The following ZNF770 variants were observed in gnomAD, a reference collection of about 807,000 sequenced individuals.
ZNF770 encodes the protein zinc finger protein 770.
In ZNF770, 13 loss-of-function variants were observed where a neutral mutation model predicts 44.8. The ratio of observed to expected loss-of-function variants is 0.29; its 90% confidence interval spans 0.19 to 0.46. ZNF770 has a LOEUF of 0.46. Among genes scored for constraint, ZNF770 ranks in the 20% least tolerant of loss-of-function variants. The pLI, the probability that ZNF770 is intolerant of heterozygous loss-of-function variation, is 1.00. For missense variants in ZNF770, 681 were observed against 797.9 expected, an observed-to-expected ratio of 0.85 and a Z score of 1.77; for synonymous variants, 304 against 271.8, an observed-to-expected ratio of 1.12 and a Z score of -1.17.
In ZNF770 at chr15:34,981,224, T is replaced by C. The variant is rs2140519788; in HGVS notation, c.*135A>G. 1.2e-6 allele frequency: 1 copy of C among 866,406 alleles called. No homozygotes were observed. The highest frequency in any genetic ancestry group is 1.7e-6 in the Non-Finnish European group (1 of 585,202). 53.7% of individuals were successfully genotyped at this position (866,406 alleles called of 1,614,324 possible). ...TTAATTTTCTATGTATTCTACCTCC[T>C]TACTATGCAGGACAAGCAAATGCCT... On this transcript the variant is annotated 3_prime_UTR_variant, in exon 3 of 3. Coordinates refer to ENST00000356321, the MANE Select transcript of ZNF770 (RefSeq NM_014106.4).
Position 34,980,299 on chromosome 15 carries a change from T to TA in ZNF770, c.*1059dup, listed in dbSNP as rs1427255874. 6.6e-6 allele frequency: 1 copy of TA among 151,422 alleles called. No homozygotes were observed. Among genetic ancestry groups the TA allele is most frequent in the Non-Finnish European group, 1.5e-5 (1 of 68,046 alleles). The allele number at this position is 151,422 out of a possible 1,614,324, so 9.4% of individuals were successfully genotyped here. A position where few individuals can be genotyped will look rare whatever the true frequency, so the allele number is the denominator to read the frequency against. Reference sequence around the variant, plus strand: ...TATTCCTCTGAAAAGGTAAAACTCATACGTATTATGAAAAAGACTATGGCA... The same window carrying TA: ...TATTCCTCTGAAAAGGTAAAACTCATAACGTATTATGAAAAAGACTATGGCA... On this transcript the variant is annotated 3_prime_UTR_variant, in exon 3 of 3. Coordinates refer to ENST00000356321, the MANE Select transcript of ZNF770 (RefSeq NM_014106.4).
Position 34,983,294 on chromosome 15 carries a change from G to A in ZNF770, c.141C>T (p.Leu47=). The part of the protein sequence containing the change: ...ETPSKLARHY[L]IHTGQKPFEC... ...CAAATGGCTTTTGACCAGTATGAAT[G>A]AGATAGTGCCTAGCTAATTTTGATG... Residue 47 remains leucine, a synonymous_variant, in exon 3 of 3, where the codon CTC becomes CTT. Transcript: ENST00000356321. The A allele has an allele frequency of 6.2e-7, 1 of 1,613,530 alleles. No individual in the cohort carries two copies.
chr15:34,983,573 A>G, intron 2 of ZNF770, 83 bp from the exon 3 acceptor site: 2 of 701,730 alleles, frequency 2.9e-6, no homozygotes, highest in Non-Finnish European at 4.1e-6. Flanking sequence ...TTGGCTGAAG[A>G]TATTAAAGGC....
At chr15:34,984,165 T>C (rs754704008) in intron 2 of ZNF770, among the ~76,000 whole-genome samples, 1 of 152,136 alleles carries the variant, frequency 6.6e-6, no homozygotes, top group Non-Finnish European at 1.5e-5. Flanking sequence ...TCCTGGATTG[T>C]CTACCACCAC....
chr15:34,986,034 GTTC>G (rs2050432376), intron 2 of ZNF770, among the ~76,000 whole-genome samples: 1 of 152,016 alleles, frequency 6.6e-6, no homozygotes, highest in South Asian at 2.1e-4. Flanking sequence ...TATGAAAGCT[GTTC>G]TTAACATGCC....
Position 34,982,112 on chromosome 15 carries a change from T to C in ZNF770, c.1323A>G (p.Ser441=), listed in dbSNP as rs2050405813. 1.2e-6 allele frequency: 2 copies of C among 1,613,920 alleles called. No homozygotes were observed. Among genetic ancestry groups the C allele is most frequent in the African/African-American group, 2.7e-5 (2 of 74,948 alleles). The change falls in exon 3 of 3, where the codon TCA becomes TCG. Residue 441 remains serine (S), a synonymous_variant. Transcript: ENST00000356321. ...ATTCCTCACCTGATGAACCACAGAT[T>C]GACAAGTCTTTCTTATTCACTGAAT... The part of the protein sequence containing the change: ...IDNSVNKKDL[S]ICGSSGEEFF...
chr15:34,982,476 C>A lies in ZNF770; in HGVS notation c.959G>T (p.Gly320Val). ...NEHSCFAARS[G>V]KIPSRFKRSY... ...TCTTTTGAACCTGCTTGGAATTTTG[C>A]CACTTCTAGCAGCAAAACAGCTGTG... The change falls in exon 3 of 3, where the codon GGC becomes GTC. Residue 320 changes from glycine (G) to valine (V), a missense_variant. This residue lies in a region of ZNF770 where 432 missense variants were observed against 434.1 expected (regional missense o/e 1.00). Coordinates refer to ENST00000356321, the MANE Select transcript of ZNF770 (RefSeq NM_014106.4). The A allele has an allele frequency of 1.2e-6, 2 of 1,613,822 alleles. No individual in the cohort carries two copies. The highest frequency in any genetic ancestry group is 2.2e-5 in the South Asian group (2 of 91,042).
At position 34,981,565 on chromosome 15, in the gene ZNF770, G is replaced by A. The variant is rs139440507; in HGVS notation, c.1870C>T (p.Leu624=). The change falls in exon 3 of 3, where the codon CTG becomes TTG. Residue 624 remains leucine, a synonymous_variant. Coordinates refer to ENST00000356321, the MANE Select transcript of ZNF770 (RefSeq NM_014106.4). ...TTAGCACAAACACTGCATCGGTACA[G>A]GAAGACATCATTTTTCTCCTGATGC... ...SEHQEKNDVF[L]YRCSVCAKSF... The A allele has an allele frequency of 1.7e-4, 278 of 1,614,162 alleles. 2 individuals are homozygous for A. The highest frequency in any genetic ancestry group is 8.8e-5 in the South Asian group (8 of 91,082).
At chr15:34,986,099 T>C (rs1338680524) in intron 2 of ZNF770, among the ~76,000 whole-genome samples, 1 of 152,082 alleles carries the variant, frequency 6.6e-6, no homozygotes, top group Non-Finnish European at 1.5e-5. Context: ...TTATTCAAAG[T>C]GGCCAAGTGA....
Position 34,982,398 on chromosome 15 carries a change from G to A in ZNF770, c.1037C>T (p.Ala346Val). The change falls in exon 3 of 3, where the codon GCT becomes GTT. Residue 346 changes from alanine (A) to valine (V), a missense_variant. Around this residue, in one of 5 missense-constraint regions of ZNF770, gnomAD observed 432 missense variants for 434.1 expected, o/e 1.00. Transcript: ENST00000356321. ...AAAGTTATCTAATTTTTTACTCCTAGCACGCTTAAGCTTGGCCAAGATTTT... is the reference window on the plus strand; with the variant it reads ...AAAGTTATCTAATTTTTTACTCCTAACACGCTTAAGCTTGGCCAAGATTTT... ...VKKILAKLKRARSKKLDNFQS... is the reference protein window; with the variant it reads ...VKKILAKLKRVRSKKLDNFQS... 1.2e-6 allele frequency: 2 copies of A among 1,612,538 alleles called. No individual in the cohort carries two copies. The highest frequency in any genetic ancestry group is 1.7e-6 in the Non-Finnish European group (2 of 1,179,244).
At chr15:34,986,299 A>G (rs1022025799) in intron 2 of ZNF770, among the ~76,000 whole-genome samples, 1 of 152,228 alleles carries the variant, frequency 6.6e-6, no homozygotes, top group African/African-American at 2.4e-5. Flanking sequence ...ACTGTAAGCC[A>G]GTATAGTAGT....
Position 34,981,532 on chromosome 15 carries a change from G to C in ZNF770, c.1903C>G (p.Arg635Gly), listed in dbSNP as rs747051090. Residue 635 changes from arginine (R) to glycine (G), a missense_variant, in exon 3 of 3, where the codon CGA becomes GGA. Transcript: ENST00000356321. ...YRCSVCAKSF[R>G]SPSKLERHYL... is the part of the protein sequence containing the mutation. ...TGTCTTTCCAGTTTAGATGGAGATCGGAAACTTTTAGCACAAACACTGCAT... is the reference window on the plus strand; with the variant it reads ...TGTCTTTCCAGTTTAGATGGAGATCCGAAACTTTTAGCACAAACACTGCAT... 58 of 1,614,048 alleles carry C rather than the reference G, an allele frequency of 3.6e-5. No individual in the cohort carries two copies. The highest frequency in any genetic ancestry group is 4.8e-5 in the Non-Finnish European group (57 of 1,180,040).
rs1319978653 is a variant in ZNF770, at chr15:34,979,159, G to GT, written c.*2199dup. On this transcript the variant is annotated 3_prime_UTR_variant, in exon 3 of 3. Transcript: ENST00000356321. ...CATGGGTCAAAAATAAAGTATAGTAGTATCACTTACGCAAATAAAGTCTCA... is the reference window on the plus strand; with the variant it reads ...CATGGGTCAAAAATAAAGTATAGTAGTTATCACTTACGCAAATAAAGTCTCA... The GT allele has an allele frequency of 6.5e-6, 1 of 152,916 alleles. No individual in the cohort carries two copies. 9.5% of individuals were successfully genotyped at this position (152,916 alleles called of 1,614,324 possible).
chr15:34,986,497 G>T (rs1387576984), intron 2 of ZNF770, among the ~76,000 whole-genome samples: 1 of 152,222 alleles, frequency 6.6e-6, no homozygotes, highest in East Asian at 1.9e-4. Flanking sequence ...GAACTGCAAA[G>T]AACTTGGCAG....
At chr15:34,984,482 AC>A (rs61065882) in intron 2 of ZNF770, among the ~76,000 whole-genome samples, 15,059 of 151,524 alleles carry the variant, frequency 0.099, 849 homozygotes, top group Non-Finnish European at 0.13. Flanking sequence ...ACATGGTGAA[AC>A]CCCGCCTCTA....
chr15:34,981,899 A>G lies in ZNF770; in HGVS notation c.1536T>C (p.Phe512=), dbSNP rs766809135. The change falls in exon 3 of 3, where the codon TTT becomes TTC. Residue 512 remains phenylalanine, a synonymous_variant. Coordinates refer to ENST00000356321, the MANE Select transcript of ZNF770 (RefSeq NM_014106.4). ...PFGCNICGKS[F]RQSAHLKRHE... The stretch of plus-strand genomic sequence containing the variant: ...GTCTTTTTAAGTGAGCTGACTGTCT[A>G]AAAGATTTCCCACAAATATTACAGC... 5 of 1,614,024 alleles carry G rather than the reference A, an allele frequency of 3.1e-6. No individual in the cohort carries two copies. In the South Asian group the frequency reaches 5.5e-5, roughly 18 times the overall value.
In ZNF770 at chr15:34,979,672, C is replaced by G. The variant is rs766945468; in HGVS notation, c.*1687G>C. 1.1e-4 allele frequency: 49 copies of G among 449,390 alleles called. 1 individual carries two copies. The highest frequency in any genetic ancestry group is 6.2e-4 in the South Asian group (39 of 63,130). 27.8% of individuals were successfully genotyped at this position (449,390 alleles called of 1,614,324 possible). On this transcript the variant is annotated 3_prime_UTR_variant, in exon 3 of 3. Coordinates refer to ENST00000356321, the MANE Select transcript of ZNF770 (RefSeq NM_014106.4). ...CACCTACTATCCCTCCCGCCTCCCC[C>G]CTGTCAAAAGAAAGTTCTCAGTTTA...
rs1433663181 is a variant in ZNF770 at position 34,983,436 on chromosome 15, T to C, written c.-2A>G. ...TTTTAAATTGTTTTCAGCCATCATA[T>C]TCTTCAATGATATACTCTGATGAGC... On this transcript the variant is annotated 5_prime_UTR_variant, in exon 3 of 3. Transcript: ENST00000356321. 2 of 1,543,580 alleles carry C rather than the reference T, an allele frequency of 1.3e-6. No individual in the cohort carries two copies. Among genetic ancestry groups the C allele is most frequent in the East Asian group, 4.5e-5 (2 of 44,122 alleles).
In ZNF770 at chr15:34,983,117, G is replaced by A. The variant is rs1215942829; in HGVS notation, c.318C>T (p.Thr106=). The A allele has an allele frequency of 6.2e-7, 1 of 1,614,022 alleles. No homozygotes were observed. The highest frequency in any genetic ancestry group is 8.5e-7 in the Non-Finnish European group (1 of 1,179,984). ...TGACCTGTTTAACATTATTCTGATA[G>A]GTTTCATTGTGAAGTTGTTGGTGCT... ...FVKHQQLHNE[T]YQNNVKQVRR... The change falls in exon 3 of 3, where the codon ACC becomes ACT. Residue 106 remains threonine, a synonymous_variant. Transcript: ENST00000356321.
Sources: allele counts gnomAD v4.1 joint callset (sites outside exome capture counted in the v4.1 genomes callset), GRCh38; gene constraint gnomAD v4.1.1; regional missense constraint gnomAD v4.1.1; transcripts MANE v1.5; gene names NCBI Gene and HGNC (gene_info 2026-07-23, HGNC 2026-07-21).